HECW2: variants seen among roughly 807,000 people sequenced by gnomAD.
HECW2 encodes the protein HECT, C2 and WW domain containing E3 ubiquitin protein ligase 2.
HECW2 carries 61 observed loss-of-function variants against 175.2 expected under a neutral mutation model. The observed-to-expected ratio is 0.35, with a 90% CI of 0.28 to 0.43. HECW2 has a LOEUF of 0.43. Among genes scored for constraint, HECW2 ranks in the 20% least tolerant of loss-of-function variants. HECW2 has a pLI of 1.00. For synonymous variants in HECW2, 671 were observed against 731.0 expected (o/e 0.92, Z 1.32); for missense variants, 1,524 against 2,000.5 (o/e 0.76, Z 4.54).
chr2:196,370,838 C>A (rs929820063), intron 2 of HECW2, among the ~76,000 whole-genome samples: 1 of 152,194 alleles, frequency 6.6e-6, no homozygotes, highest in Non-Finnish European at 1.5e-5. Context: ...CCCACAATCA[C>A]TGCATTCTCC....
Position 196,487,081 on chromosome 2 carries a change from G to A in HECW2, c.-35-53623C>T, listed in dbSNP as rs549731982. On this transcript the variant is annotated intron_variant, in intron 1 of 28. Coordinates refer to ENST00000644978, the MANE Select transcript of HECW2 (RefSeq NM_001348768.2). The stretch of plus-strand genomic sequence containing the variant: ...GGAGAATCGCTTGAACCCAGGAGAC[G>A]GAGGTTGTGGTGAGCCAAGATCGCA... Among the ~76,000 whole-genome samples the A allele has an allele frequency of 3.7e-3, 556 of 151,632 alleles. 2 individuals are homozygous for A. Among genetic ancestry groups the A allele is most frequent in the Non-Finnish European group, 5.4e-3 (367 of 67,880 alleles).
intron 1 of HECW2, among the ~76,000 whole-genome samples, chr2:196,571,318 G>A (rs577664883): frequency 6.6e-6 from 1 of 152,234 alleles, no homozygotes; most frequent in South Asian, 2.1e-4. Flanking sequence ...TAATGTTTGG[G>A]AATAAACAGC....
chr2:196,241,462 C>T (rs537298064), intron 20 of HECW2, among the ~76,000 whole-genome samples: 2 of 152,190 alleles, frequency 1.3e-5, no homozygotes, highest in East Asian at 3.9e-4. Flanking sequence ...CAGTGGAGAC[C>T]GTCCCTCCTC....
At chr2:196,417,700 G>A (rs959117842) in intron 2 of HECW2, among the ~76,000 whole-genome samples, 2 of 152,184 alleles carry the variant, frequency 1.3e-5, no homozygotes, top group African/African-American at 2.4e-5. Flanking sequence ...CAGTTACATC[G>A]AGTCATGTGC....
At chr2:196,586,246 TTTTA>T (rs1559189638) in intron 1 of HECW2, among the ~76,000 whole-genome samples, 1 of 152,210 alleles carries the variant, frequency 6.6e-6, no homozygotes, top group African/African-American at 2.4e-5. Flanking sequence ...TGGCATATTG[TTTTA>T]TTTGTTAATA....
At chr2:196,262,534 CAT>C (rs1046981854) in intron 17 of HECW2, among the ~76,000 whole-genome samples, 2 of 152,030 alleles carry the variant, frequency 1.3e-5, no homozygotes, top group African/African-American at 4.8e-5. Context: ...CCTTTTGAAA[CAT>C]AAGTTTCTTC....
intron 21 of HECW2, among the ~76,000 whole-genome samples, chr2:196,234,495 A>G (rs952089667): frequency 1.2e-4 from 19 of 152,066 alleles, no homozygotes; most frequent in African/African-American, 4.1e-4. Context: ...GGGTCTCACT[A>G]TGTTGCCCAA....
intron 2 of HECW2, among the ~76,000 whole-genome samples, chr2:196,400,015 G>A (rs574901891): frequency 6.6e-6 from 1 of 152,232 alleles, no homozygotes; most frequent in East Asian, 1.9e-4. Flanking sequence ...TAATAACTGG[G>A]TGCCTGCTAA....
intron 1 of HECW2, among the ~76,000 whole-genome samples, chr2:196,546,511 G>C (rs1484738411): frequency 6.6e-6 from 1 of 152,232 alleles, no homozygotes; most frequent in African/African-American, 2.4e-5. Flanking sequence ...AGAAGTCTTA[G>C]AAATCTGGTG....
chr2:196,201,144 G>A lies in HECW2; in HGVS notation c.*133C>T. On this transcript the variant is annotated 3_prime_UTR_variant, in exon 29 of 29. Transcript: ENST00000644978. ...AGTCCCCAAATGTGACAGAGCACTT[G>A]TTCCTGGAAAACAACAGCACATAGC... 1.5e-6 allele frequency: 1 copy of A among 659,844 alleles called. No individual in the cohort carries two copies. Among genetic ancestry groups the A allele is most frequent in the African/African-American group, 1.8e-5 (1 of 55,450 alleles). The allele number at this position is 659,844 out of a possible 1,614,324, so 40.9% of individuals were successfully genotyped here.
chr2:196,243,016 A>T (rs997994803), intron 19 of HECW2, among the ~76,000 whole-genome samples: 2 of 151,998 alleles, frequency 1.3e-5, no homozygotes, highest in African/African-American at 4.8e-5. Context: ...TTAGATATGC[A>T]CTATCACCAA....
chr2:196,360,061 T>A (rs1693531265), intron 2 of HECW2, among the ~76,000 whole-genome samples: 1 of 152,024 alleles, frequency 6.6e-6, no homozygotes, highest in Non-Finnish European at 1.5e-5. Context: ...GCTATGATCA[T>A]GCCACTGCAC....
At chr2:196,296,089 T>C (rs1214401354) in intron 13 of HECW2, among the ~76,000 whole-genome samples, 1 of 152,196 alleles carries the variant, frequency 6.6e-6, no homozygotes, top group African/African-American at 2.4e-5. Flanking sequence ...AAAAACTATG[T>C]TTGAATAACT....
chr2:196,318,652 A>G lies in HECW2; in HGVS notation c.2238T>C (p.Ala746=). ...GCGGTGGGCTCTCGGCAGCAGCTGC[A>G]GCTCCCTCCAGGCTCCCCCTCCGCT... The part of the protein sequence containing the change: ...VWQRRGSLEG[A]AAAAESPPQE... The change falls in exon 9 of 29, where the codon GCT becomes GCC. Residue 746 remains alanine (A), a synonymous_variant. Transcript: ENST00000644978. 2 of 1,599,700 alleles carry G rather than the reference A, an allele frequency of 1.3e-6. No individual in the cohort carries two copies. Among genetic ancestry groups the G allele is most frequent in the Non-Finnish European group, 1.7e-6 (2 of 1,172,642 alleles).
At chr2:196,348,490 T>A (rs550743810) in intron 2 of HECW2, among the ~76,000 whole-genome samples, 232 of 151,426 alleles carry the variant, frequency 1.5e-3, no homozygotes, top group African/African-American at 4.0e-3. Flanking sequence ...AAAAAAAAAA[T>A]TTTTTTAATT....
chr2:196,531,375 T>C lies in HECW2; in HGVS notation c.-36+62133A>G, dbSNP rs1426271908. 4.6e-5 allele frequency among the ~76,000 whole-genome samples: 7 copies of C among 152,172 alleles called. No individual in the cohort carries two copies. The East Asian group carries it at 9.6e-4, about 21-fold the overall frequency. On this transcript the variant is annotated intron_variant, in intron 1 of 28. Coordinates refer to ENST00000644978, the MANE Select transcript of HECW2 (RefSeq NM_001348768.2). ...TAAACTTATTATTATTAAATGTTTT[T>C]GGCCAGGTGCGGCAGCTCAGGCCTG...
chr2:196,195,269 T>C lies in HECW2; in HGVS notation c.*6008A>G, dbSNP rs1321277490. On this transcript the variant is annotated 3_prime_UTR_variant, in exon 29 of 29. Coordinates refer to ENST00000644978, the MANE Select transcript of HECW2 (RefSeq NM_001348768.2). ...AACCAGAAGTTGACTGATGGTTCCT[T>C]ACCTGCATCAGTAATAGCTGATTCA... The C allele has an allele frequency of 3.3e-5, 5 of 152,244 alleles. No homozygotes were observed. The East Asian group carries it at 9.6e-4, about 29-fold the overall frequency. The allele number at this position is 152,244 out of a possible 1,614,324, so 9.4% of individuals were successfully genotyped here. A position where few individuals can be genotyped will look rare whatever the true frequency, so the allele number is the denominator to read the frequency against.
chr2:196,330,155 C>A (rs1299826623), intron 4 of HECW2, among the ~76,000 whole-genome samples: 1 of 152,150 alleles, frequency 6.6e-6, no homozygotes, highest in Non-Finnish European at 1.5e-5. Context: ...TATTGTGCTG[C>A]AGGTACATGG....
At chr2:196,530,326 G>T (rs984558018) in intron 1 of HECW2, among the ~76,000 whole-genome samples, 2 of 152,108 alleles carry the variant, frequency 1.3e-5, no homozygotes, top group African/African-American at 2.4e-5. Context: ...CTCAGGCCTG[G>T]ACAGTAATAG....
Sources: gnomAD v4.1 joint callset for allele counts (sites outside exome capture counted in the v4.1 genomes callset) on GRCh38, gnomAD v4.1.1 for gene constraint, MANE v1.5 for transcripts, NCBI Gene and HGNC (gene_info 2026-07-23, HGNC 2026-07-21) for gene names.